Variants in THSD4 observed in about 807,000 individuals in gnomAD.
THSD4 encodes thrombospondin type 1 domain containing 4.
In THSD4, 69 loss-of-function variants were observed where a neutral mutation model predicts 119.0. That is an observed-to-expected ratio of 0.58 (90% CI 0.48 to 0.71). THSD4 has a LOEUF of 0.71. Ranked by LOEUF, THSD4 falls within the 30% of genes least tolerant of loss-of-function variation. The pLI, the probability that THSD4 is intolerant of heterozygous loss-of-function variation, is 0.00. For missense variants in THSD4, 1,393 were observed against 1,391.1 expected (o/e 1.00, Z -0.02); for synonymous variants, 524 against 540.4 (o/e 0.97, Z 0.42).
chr15:71,189,105 C>T (rs1238981351), intron 3 of THSD4: 1 of 152,220 alleles, frequency 6.6e-6, no homozygotes. Flanking sequence ...TCCGTGGTTG[C>T]CACAGCAACC....
At chr15:71,560,310 G>GAATT (rs2049092758) in intron 7 of THSD4, among the ~76,000 whole-genome samples, 1 of 152,230 alleles carries the variant, frequency 6.6e-6, no homozygotes, top group South Asian at 2.1e-4. Flanking sequence ...AAACAATTCT[G>GAATT]AATTAAATTC....
intron 6 of THSD4, chr15:71,348,406 A>G (rs2045697470): frequency 6.6e-6 from 1 of 152,240 alleles, no homozygotes; most frequent in Admixed American, 6.5e-5. Flanking sequence ...TGTCTGCCAT[A>G]TGGAAGCTCA....
At chr15:71,381,998 T>A (rs547095830) in intron 6 of THSD4, among the ~76,000 whole-genome samples, 68 of 152,146 alleles carry the variant, frequency 4.5e-4, no homozygotes, top group Non-Finnish European at 6.5e-4. Flanking sequence ...TCAAAAAGAA[T>A]TAATTTAGAT....
intron 6 of THSD4, among the ~76,000 whole-genome samples, chr15:71,368,658 A>G (rs181261492): frequency 1.5e-3 from 234 of 152,260 alleles, no homozygotes; most frequent in African/African-American, 5.3e-3. Flanking sequence ...CTGTTTTGGT[A>G]CCAGTACCAT....
intron 7 of THSD4, among the ~76,000 whole-genome samples, chr15:71,525,354 A>G (rs532493001): frequency 1.2e-3 from 180 of 152,286 alleles, no homozygotes; most frequent in African/African-American, 4.1e-3. Flanking sequence ...CGACACTCAT[A>G]ACCACTGAAC....
At chr15:71,187,922 A>C (rs905091698) in intron 3 of THSD4, among the ~76,000 whole-genome samples, 4 of 152,194 alleles carry the variant, frequency 2.6e-5, no homozygotes, top group Non-Finnish European at 4.4e-5. Flanking sequence ...GGATATAAAC[A>C]GACTTAAGAC....
chr15:71,618,857 C>T (rs1360011523), intron 7 of THSD4, among the ~76,000 whole-genome samples: 1 of 151,692 alleles, frequency 6.6e-6, no homozygotes, highest in African/African-American at 2.4e-5. Context: ...GGATTACAGA[C>T]ATAAGCCACC....
intron 8 of THSD4, among the ~76,000 whole-genome samples, chr15:71,720,888 A>G (rs1287293174): frequency 6.6e-6 from 1 of 152,224 alleles, no homozygotes; most frequent in African/African-American, 2.4e-5. Flanking sequence ...TTGCTAGGAG[A>G]AACTTTTTTT....
chr15:71,458,693 A>G (rs760595242), intron 7 of THSD4, among the ~76,000 whole-genome samples: 7 of 152,238 alleles, frequency 4.6e-5, no homozygotes, highest in Non-Finnish European at 8.8e-5. Flanking sequence ...ATTGTCACAC[A>G]TCAAGACTCT....
chr15:71,619,177 G>A lies in THSD4; in HGVS notation c.1153-41353G>A, dbSNP rs532710284. Among the ~76,000 whole-genome samples, 349 of 151,852 alleles carry A rather than the reference G, an allele frequency of 2.3e-3. 1 individual carries two copies. Among genetic ancestry groups the A allele is most frequent in the Middle Eastern group, 3.4e-3 (1 of 292 alleles). On this transcript the variant is annotated intron_variant, in intron 7 of 17. Coordinates refer to ENST00000261862, the MANE Select transcript of THSD4 (RefSeq NM_024817.3). The stretch of plus-strand genomic sequence containing the variant: ...AGTGGAGATGGGGTTTCACCATGTT[G>A]GCCAGGCTGGTCTTGAACTCCTGAC...
At chr15:71,328,468 AATTC>A (rs1267350182) in intron 6 of THSD4, among the ~76,000 whole-genome samples, 1 of 152,172 alleles carries the variant, frequency 6.6e-6, no homozygotes, top group South Asian at 2.1e-4. Flanking sequence ...TTCGTTCATT[AATTC>A]ATTCAGTCTG....
intron 3 of THSD4, chr15:71,185,464 A>C (rs560952823): frequency 1.3e-5 from 2 of 151,714 alleles, no homozygotes; most frequent in African/African-American, 4.8e-5. Flanking sequence ...ATCTGCTTTG[A>C]TTTTCCAATT....
At chr15:71,413,548 G>A (rs777957945) in intron 7 of THSD4, among the ~76,000 whole-genome samples, 22 of 152,098 alleles carry the variant, frequency 1.4e-4, no homozygotes, top group Non-Finnish European at 2.4e-4. Context: ...GAGTGAAAAC[G>A]TGATATTTGT....
At chr15:71,467,865 T>TC (rs2047522387) in intron 7 of THSD4, among the ~76,000 whole-genome samples, 1 of 151,148 alleles carries the variant, frequency 6.6e-6, no homozygotes, top group African/African-American at 2.4e-5. Flanking sequence ...TTTTCTTTTT[T>TC]TGAGACGGAG....
intron 7 of THSD4, among the ~76,000 whole-genome samples, chr15:71,615,057 G>A (rs1449226803): frequency 2.0e-5 from 3 of 152,228 alleles, no homozygotes; most frequent in African/African-American, 7.2e-5. Context: ...CTGAGAAAGA[G>A]CTGGCATTCA....
chr15:71,728,895 T>A (rs1350341476), intron 9 of THSD4, 171 bp downstream of exon 9: 14 of 811,746 alleles, frequency 1.7e-5, no homozygotes, highest in Non-Finnish European at 2.7e-5. Flanking sequence ...TTGCCTTTAC[T>A]TCTGAATGGG....
chr15:71,465,607 G>C (rs573021572), intron 7 of THSD4, among the ~76,000 whole-genome samples: 3 of 152,260 alleles, frequency 2.0e-5, no homozygotes, highest in South Asian at 2.1e-4. Flanking sequence ...ATTTATATTT[G>C]TGCAGACTTT....
chr15:71,695,848 A>G (rs1185278331), intron 8 of THSD4, among the ~76,000 whole-genome samples: 1 of 152,086 alleles, frequency 6.6e-6, no homozygotes, highest in Non-Finnish European at 1.5e-5. Context: ...CTTCCCATCT[A>G]TACAATGAAG....
chr15:71,408,414 G>C (rs1038282185), intron 6 of THSD4, among the ~76,000 whole-genome samples: 2 of 151,452 alleles, frequency 1.3e-5, no homozygotes, highest in Admixed American at 6.6e-5. Flanking sequence ...TAATTTTTTT[G>C]TAGAGACAGG....
Sources: allele counts gnomAD v4.1 joint callset (sites outside exome capture counted in the v4.1 genomes callset), GRCh38; gene constraint gnomAD v4.1.1; transcripts MANE v1.5; gene names NCBI Gene and HGNC (gene_info 2026-07-23, HGNC 2026-07-21).